ARHGEF6: variants seen among roughly 807,000 people sequenced by gnomAD.
ARHGEF6 encodes the protein rho guanine nucleotide exchange factor 6.
Under a neutral mutation model 70.3 loss-of-function variants are expected in ARHGEF6, and 9 were observed. The ratio of observed to expected loss-of-function variants is 0.13; its 90% CI spans 0.08 to 0.22. The LOEUF (loss-of-function observed/expected upper bound fraction) is 0.22, where lower values mean the gene tolerates loss of function less well. Among genes scored for constraint, ARHGEF6 ranks in the 10% least tolerant of loss-of-function variants. ARHGEF6 has a pLI of 1.00. For missense variants in ARHGEF6, 470 were observed against 563.0 expected, an observed-to-expected ratio of 0.83 and a Z score of 1.67; for synonymous variants, 201 against 207.8, an observed-to-expected ratio of 0.97 and a Z score of 0.28.
At chrX:136,775,018 T>C (rs1402289909) in intron 2 of ARHGEF6, among the ~76,000 whole-genome samples, 2 of 111,657 alleles carry the variant, frequency 1.8e-5, no homozygotes, top group Non-Finnish European at 3.8e-5. Context: ...TTGCTAATAA[T>C]AATATCTACC....
At chrX:136,747,363 G>T in intron 3 of ARHGEF6, 145 bp downstream of exon 3, 1 of 510,471 alleles carries the variant, frequency 2.0e-6, no homozygotes, top group South Asian at 2.7e-5. Flanking sequence ...TCAAGCATTT[G>T]ACATTTGTTG....
At chrX:136,767,201 C>G in intron 2 of ARHGEF6, 1 of 755,699 alleles carries the variant, frequency 1.3e-6, no homozygotes, top group African/African-American at 2.3e-5. Context: ...GCCGCGCCGC[C>G]GCCGCCTCCT....
At chrX:136,759,415 G>A (rs1195680848) in intron 2 of ARHGEF6, among the ~76,000 whole-genome samples, 2 of 111,106 alleles carry the variant, frequency 1.8e-5, no homozygotes, top group Non-Finnish European at 3.8e-5. Flanking sequence ...CGAGGGGGGC[G>A]GATCACTTGA....
chrX:136,742,545 T>C (rs1206217511), intron 5 of ARHGEF6, among the ~76,000 whole-genome samples: 2 of 112,151 alleles, frequency 1.8e-5, no homozygotes, highest in Non-Finnish European at 3.8e-5. Flanking sequence ...TGTGAATAAC[T>C]AAATGCTGTT....
intron 6 of ARHGEF6, among the ~76,000 whole-genome samples, chrX:136,726,030 T>G (rs1463410347): frequency 8.9e-6 from 1 of 111,866 alleles, no homozygotes; most frequent in Non-Finnish European, 1.9e-5. Context: ...AAACAATGGC[T>G]GAAAACAGAG....
intron 6 of ARHGEF6, among the ~76,000 whole-genome samples, chrX:136,714,146 T>C (rs1267974493): frequency 3.6e-5 from 4 of 111,956 alleles, no homozygotes; most frequent in Non-Finnish European, 7.5e-5. Flanking sequence ...AAATTATCAT[T>C]ATTATTATTA....
chrX:136,722,293 A>G (rs2076806876), intron 6 of ARHGEF6, among the ~76,000 whole-genome samples: 1 of 112,201 alleles, frequency 8.9e-6, no homozygotes, highest in Admixed American at 9.4e-5. Context: ...GTGACACAAA[A>G]AGCAAAACAA....
At chrX:136,755,249 C>A (rs1019178284) in intron 2 of ARHGEF6, among the ~76,000 whole-genome samples, 17 of 112,112 alleles carry the variant, frequency 1.5e-4, no homozygotes, top group African/African-American at 5.2e-4. Context: ...TGTCCAACAT[C>A]CTTTATGCTT....
At chrX:136,727,265 T>C (rs1040589277) in intron 6 of ARHGEF6, among the ~76,000 whole-genome samples, 2 of 111,372 alleles carry the variant, frequency 1.8e-5, no homozygotes, top group African/African-American at 6.5e-5. Flanking sequence ...AGCCAGAGAA[T>C]TTGATGTAGC....
intron 17 of ARHGEF6, among the ~76,000 whole-genome samples, chrX:136,677,612 A>G (rs1318939115): frequency 3.6e-5 from 4 of 111,586 alleles, no homozygotes; most frequent in African/African-American, 1.3e-4. Flanking sequence ...AAATCATTTA[A>G]TTTATTTCAC....
At chrX:136,709,247 T>G (rs1173007174) in intron 7 of ARHGEF6, among the ~76,000 whole-genome samples, 1 of 100,456 alleles carries the variant, frequency 1.0e-5, no homozygotes, top group Non-Finnish European at 2.0e-5. Flanking sequence ...TGAGATGAAG[T>G]AGGAGGAAAA....
chrX:136,763,003 C>T (rs1354156864), intron 2 of ARHGEF6, among the ~76,000 whole-genome samples: 1 of 112,038 alleles, frequency 8.9e-6, no homozygotes, highest in East Asian at 2.8e-4. Context: ...GACTAGACCA[C>T]ACAGCATGCC....
intron 19 of ARHGEF6, among the ~76,000 whole-genome samples, chrX:136,673,346 C>T (rs775027825): frequency 1.8e-5 from 2 of 111,252 alleles, no homozygotes; most frequent in South Asian, 3.8e-4. Context: ...CAGTAAGAGC[C>T]GAGGGCAGTC....
At chrX:136,712,170 G>A (rs1770075484) in intron 7 of ARHGEF6, among the ~76,000 whole-genome samples, 2 of 111,247 alleles carry the variant, frequency 1.8e-5, no homozygotes, top group South Asian at 3.8e-4. Flanking sequence ...ATGCAGTGAT[G>A]TGATTTTGGC....
At chrX:136,757,394 C>G (rs754295671) in intron 2 of ARHGEF6, among the ~76,000 whole-genome samples, 22 of 112,170 alleles carry the variant, frequency 2.0e-4, no homozygotes, top group Middle Eastern at 4.6e-3. Context: ...AAGATGCCAT[C>G]TCAAAAAATA....
In ARHGEF6 at chrX:136,711,344, G is replaced by A. The variant is rs191498392; in HGVS notation, c.827+1932C>T. Among the ~76,000 whole-genome samples, 4 of 111,041 alleles carry A rather than the reference G, an allele frequency of 3.6e-5. 1 individual carries two copies. The Admixed American group carries it at 3.8e-4, about 11-fold the overall frequency. Reference sequence around the variant, plus strand: ...AAGCATGTTTCACTTGGCAGCAGGGGGCACAGTGGCTCCAGCCTGGCCATG... The same window carrying A: ...AAGCATGTTTCACTTGGCAGCAGGGAGCACAGTGGCTCCAGCCTGGCCATG... On this transcript the variant is annotated intron_variant, in intron 7 of 21. Transcript: ENST00000250617.
chrX:136,768,652 G>A (rs2077340119), intron 2 of ARHGEF6: 1 of 112,487 alleles, frequency 8.9e-6, no homozygotes, highest in African/African-American at 3.2e-5. Flanking sequence ...GCTGATACCC[G>A]TTACAACTAC....
At chrX:136,700,962 A>G (rs2076564965) in intron 9 of ARHGEF6, among the ~76,000 whole-genome samples, 1 of 112,553 alleles carries the variant, frequency 8.9e-6, no homozygotes, top group Non-Finnish European at 1.9e-5. Context: ...AATGCCTGAA[A>G]TAAAAAACAC....
intron 11 of ARHGEF6, among the ~76,000 whole-genome samples, chrX:136,687,439 T>C (rs1476374400): frequency 1.8e-5 from 2 of 112,543 alleles, no homozygotes; most frequent in Non-Finnish European, 3.8e-5. Flanking sequence ...AGATCACGTG[T>C]ACCTTTGATA....
Sources: gnomAD v4.1 joint callset for allele counts (sites outside exome capture counted in the v4.1 genomes callset) on GRCh38, gnomAD v4.1.1 for gene constraint, MANE v1.5 for transcripts, NCBI Gene and HGNC (gene_info 2026-07-23, HGNC 2026-07-21) for gene names.